Variants in PACRGL observed in about 807,000 individuals in gnomAD.
PACRGL encodes PACRG-like protein.
Under a neutral mutation model 34.5 loss-of-function variants are expected in PACRGL, and 38 were observed. The ratio of observed to expected loss-of-function variants is 1.10; its 90% CI spans 0.85 to 1.44. The LOEUF is 1.44. PACRGL is among the 40% of genes most tolerant of loss of function. The probability of loss-of-function intolerance (pLI) is 0.00; values close to 1 mark genes in which losing one functional copy is unlikely to be tolerated. For synonymous variants in PACRGL, 128 were observed against 100.1 expected, an observed-to-expected ratio of 1.28 and a Z score of -1.66; for missense variants, 305 against 281.4, an observed-to-expected ratio of 1.08 and a Z score of -0.60.
At chr4:20,746,225 T>C (rs928724942) in intron 8 of PACRGL, among the ~76,000 whole-genome samples, 4 of 152,018 alleles carry the variant, frequency 2.6e-5, no homozygotes, top group African/African-American at 9.7e-5. Context: ...ATGTCCTTTG[T>C]GGGGAATGAA....
At chr4:20,701,136 G>C (rs1731986600) in intron 1 of PACRGL, among the ~76,000 whole-genome samples, 1 of 152,126 alleles carries the variant, frequency 6.6e-6, no homozygotes, top group Non-Finnish European at 1.5e-5. Flanking sequence ...TCTAGACCTG[G>C]ATTAGAAAGC....
At chr4:20,754,262 A>C (rs1310551867), downstream of PACRGL, among the ~76,000 whole-genome samples, 10 of 152,192 alleles carry the variant, frequency 6.6e-5, no homozygotes, top group Non-Finnish European at 1.2e-4. Context: ...TGTTTCACAA[A>C]GCAATAGAGA....
At chr4:20,709,367 A>G (rs1736049681) in intron 4 of PACRGL, among the ~76,000 whole-genome samples, 1 of 152,100 alleles carries the variant, frequency 6.6e-6, no homozygotes, top group Non-Finnish European at 1.5e-5. Context: ...GCATTTTTTC[A>G]TTTCTGTAGA....
At chr4:20,717,905 A>T (rs562582097) in intron 7 of PACRGL, among the ~76,000 whole-genome samples, 13 of 152,216 alleles carry the variant, frequency 8.5e-5, no homozygotes, top group African/African-American at 2.6e-4. Flanking sequence ...GATGGCATTG[A>T]TTCTGTAAAT....
At chr4:20,763,502 G>T in the PACRGL span, among the ~76,000 whole-genome samples, 1 of 152,092 alleles carries the variant, frequency 6.6e-6, no homozygotes, top group East Asian at 1.9e-4. Context: ...TATGGGCCAG[G>T]TCTTAAAGTG....
chr4:20,710,766 CTCT>C (rs1736780086), intron 5 of PACRGL, among the ~76,000 whole-genome samples: 1 of 152,140 alleles, frequency 6.6e-6, no homozygotes, highest in Admixed American at 6.5e-5. Flanking sequence ...TATGTTTACT[CTCT>C]TAAGAGTAAA....
chr4:20,715,859 C>T (rs1024987364), intron 7 of PACRGL, among the ~76,000 whole-genome samples: 1 of 151,476 alleles, frequency 6.6e-6, no homozygotes, highest in Admixed American at 6.6e-5. Context: ...AGCGAGTCTG[C>T]ACTTCAAAAA....
chr4:20,724,912 G>T, intron 8 of PACRGL, 24 bp downstream of exon 8: 1 of 1,255,140 alleles, frequency 8.0e-7, no homozygotes. Context: ...TATTCCTTAA[G>T]TCTTTTTTTT....
intron 7 of PACRGL, among the ~76,000 whole-genome samples, chr4:20,715,219 A>G (rs1399717104): frequency 6.6e-6 from 1 of 152,172 alleles, no homozygotes; most frequent in Non-Finnish European, 1.5e-5. Flanking sequence ...TGGGAATTGA[A>G]CAATGAGAAC....
intron 4 of PACRGL, among the ~76,000 whole-genome samples, chr4:20,708,562 A>C (rs1255585179): frequency 6.6e-6 from 1 of 152,172 alleles, no homozygotes; most frequent in Non-Finnish European, 1.5e-5. Context: ...TCATATTTAC[A>C]TTCTGAATTG....
chr4:20,725,084 A>G (rs1745057658), intron 8 of PACRGL, among the ~76,000 whole-genome samples, 196 bp downstream of exon 8: 1 of 152,118 alleles, frequency 6.6e-6, no homozygotes, highest in African/African-American at 2.4e-5. Flanking sequence ...TGCGACTCAG[A>G]CCAGACTCAG....
chr4:20,743,081 A>G (rs1490419265), intron 8 of PACRGL, among the ~76,000 whole-genome samples: 1 of 143,194 alleles, frequency 7.0e-6, no homozygotes, highest in Admixed American at 6.8e-5. Context: ...GTTCACCCTT[A>G]TGTGAACTAC....
downstream of PACRGL, among the ~76,000 whole-genome samples, chr4:20,755,004 AG>A (rs1754261444): frequency 6.6e-6 from 1 of 152,184 alleles, no homozygotes. Context: ...GAAAAACATG[AG>A]GTAGTTAATT....
At position 20,725,107 on chromosome 4, in the gene PACRGL, T is replaced by C. The variant is rs139113213; in HGVS notation, c.690+219T>C. On this transcript the variant is annotated intron_variant, in intron 8 of 8. Coordinates refer to ENST00000503585, the MANE Select transcript of PACRGL (RefSeq NM_001258345.3). ...AGACCAGACTCAGGTTGAATAAATA[T>C]AGGGCTTGTGTACACTTTCACAGTG... Among the ~76,000 whole-genome samples the C allele has an allele frequency of 2.3e-3, 357 of 152,280 alleles. 2 individuals carry two copies. Among genetic ancestry groups the C allele is most frequent in the Non-Finnish European group, 2.9e-3 (194 of 68,018 alleles).
At chr4:20,737,836 T>G (rs1750013198) in intron 8 of PACRGL, among the ~76,000 whole-genome samples, 1 of 152,226 alleles carries the variant, frequency 6.6e-6, no homozygotes. Context: ...AGTGTACATC[T>G]TGCACAACCA....
chr4:20,712,991 G>A, intron 6 of PACRGL, 69 bp downstream of exon 6: 5 of 1,376,188 alleles, frequency 3.6e-6, no homozygotes, highest in Non-Finnish European at 3.8e-6. Context: ...AATATATTTA[G>A]AATATTGTAT....
At chr4:20,717,328 T>G (rs1471023295) in intron 7 of PACRGL, among the ~76,000 whole-genome samples, 1 of 152,242 alleles carries the variant, frequency 6.6e-6, no homozygotes, top group Non-Finnish European at 1.5e-5. Context: ...GCAGAAGCTC[T>G]TTAGTTTAAT....
Position 20,713,474 on chromosome 4 carries a change from C to A in PACRGL, c.544C>A (p.Leu182Ile). Residue 182 changes from leucine to isoleucine, a missense_variant, in exon 7 of 9, where the codon CTA (leucine) becomes ATA (isoleucine). Leu to Ile is a conservative substitution (Grantham distance 5). Coordinates refer to ENST00000503585, the MANE Select transcript of PACRGL (RefSeq NM_001258345.3). ...AGTGTTTGAAAGAGGATTGAATGCT[C>A]TAGTTCAGCTAAGTGTCGTTGTTGG... ...DEVFERGLNA[L>I]VQLSVVVGPS... The A allele has an allele frequency of 6.2e-7, 1 of 1,613,750 alleles. No homozygotes were observed. The highest frequency in any genetic ancestry group is 8.5e-7 in the Non-Finnish European group (1 of 1,179,774).
At chr4:20,700,985 C>T (rs1016227815) in intron 1 of PACRGL, among the ~76,000 whole-genome samples, 198 bp downstream of exon 1, 5 of 152,112 alleles carry the variant, frequency 3.3e-5, no homozygotes. Context: ...GACCCTAATA[C>T]TGGCCCTTTG....
Sources: gnomAD v4.1 joint callset for allele counts (sites outside exome capture counted in the v4.1 genomes callset) on GRCh38, gnomAD v4.1.1 for gene constraint, MANE v1.5 for transcripts, NCBI Gene and HGNC (gene_info 2026-07-23, HGNC 2026-07-21) for gene names.